ABCA3: variants seen among roughly 807,000 people sequenced by gnomAD.
ABCA3 encodes phospholipid-transporting ATPase ABCA3.
ABCA3 carries 88 observed loss-of-function variants against 172.8 expected under a neutral mutation model. The ratio of observed to expected loss-of-function variants is 0.51; its 90% CI spans 0.43 to 0.61. The LOEUF is 0.61. Among genes scored for constraint, ABCA3 ranks in the 20% least tolerant of loss-of-function variants. The pLI, the probability that ABCA3 is intolerant of heterozygous loss-of-function variation, is 0.00. For synonymous variants in ABCA3, 1,066 were observed against 983.8 expected, an observed-to-expected ratio of 1.08 and a Z score of -1.56; for missense variants, 2,164 against 2,301.0, an observed-to-expected ratio of 0.94 and a Z score of 1.22.
intron 2 of ABCA3, among the ~76,000 whole-genome samples, chr16:2,329,105 AAATT>A (rs966338915): frequency 1.1e-4 from 17 of 152,146 alleles, no homozygotes; most frequent in Non-Finnish European, 2.1e-4. Flanking sequence ...AAACAGTTAA[AAATT>A]AATTTAAAAT....
chr16:2,334,877 G>A (rs1241511324), intron 1 of ABCA3, among the ~76,000 whole-genome samples: 1 of 150,262 alleles, frequency 6.7e-6, no homozygotes, highest in Non-Finnish European at 1.5e-5. Flanking sequence ...TGCCCAGGCT[G>A]GAGTGCAATG....
chr16:2,326,640 T>TA, intron 3 of ABCA3, 148 bp from the exon 4 acceptor site: 1 of 879,264 alleles, frequency 1.1e-6, no homozygotes, highest in East Asian at 2.6e-5. Context: ...GAGGGAAGGG[T>TA]ACAAGGCCTG....
In ABCA3 at chr16:2,317,741, G is replaced by T. The variant is rs1186630019; in HGVS notation, c.897C>A (p.Leu299=). The T allele has an allele frequency of 1.9e-6, 3 of 1,614,114 alleles. No individual in the cohort carries two copies. Among genetic ancestry groups the T allele is most frequent in the Non-Finnish European group, 2.5e-6 (3 of 1,180,040 alleles). The change falls in exon 9 of 33, where the codon CTC becomes CTA. Residue 299 remains leucine (L), a synonymous_variant. Transcript: ENST00000301732. ...AGGCACTCCAGTGCAGCCAGCTGCT[G>T]AGCCCCATCATGCGCATGTACTCCT... is the stretch of plus-strand genomic sequence containing the variant. ...RLKEYMRMMG[L]SSWLHWSAWF... is the part of the protein sequence containing the mutation.
At chr16:2,334,458 A>G (rs961480561) in intron 1 of ABCA3, among the ~76,000 whole-genome samples, 1 of 151,964 alleles carries the variant, frequency 6.6e-6, no homozygotes, top group Non-Finnish European at 1.5e-5. Flanking sequence ...TACACAGTAA[A>G]TATTTGAAAA....
chr16:2,318,886 C>A (rs1271267527), intron 8 of ABCA3, among the ~76,000 whole-genome samples: 2 of 152,140 alleles, frequency 1.3e-5, no homozygotes, highest in African/African-American at 4.8e-5. Flanking sequence ...CACATTCCCA[C>A]CACTTAGGTT....
At position 2,323,578 on chromosome 16, in the gene ABCA3, C is replaced by A. The variant is rs747303018; in HGVS notation, c.558G>T (p.Pro186=). The A allele has an allele frequency of 3.7e-6, 6 of 1,613,918 alleles. No homozygotes were observed. The African/African-American group carries it at 5.3e-5, about 14-fold the overall frequency. ...CCCTTGGTCCTGGGTTTGGGAAAAGCGGGAAAAGGGAAGTAGTGTGCCAGC... is the reference window on the plus strand; with the variant it reads ...CCCTTGGTCCTGGGTTTGGGAAAAGAGGGAAAAGGGAAGTAGTGTGCCAGC... ...TEGWHTTSLF[P]LFPNPGPREP... The change falls in exon 7 of 33, where the codon CCG becomes CCT. Residue 186 remains proline, a synonymous_variant. Transcript: ENST00000301732.
rs2093729648 is a variant in ABCA3 at position 2,323,681 on chromosome 16, T to C, written c.455A>G (p.Tyr152Cys). 1.2e-6 allele frequency: 2 copies of C among 1,614,114 alleles called. No homozygotes were observed. The highest frequency in any genetic ancestry group is 2.7e-5 in the African/African-American group (2 of 75,054). Residue 152 changes from tyrosine (Y) to cysteine (C), a missense_variant, in exon 7 of 33, where the codon TAT becomes TGT. Physicochemically the swap from Tyr to Cys is radical, Grantham distance 194 (BLOSUM62 -2). Transcript: ENST00000301732. ...CCGTGTGTAACTGAACCGTAGGTGA[T>C]ATTTCACCTGTGGAAACAAAGAGAA... ...SKEPLPLAVK[Y>C]HLRFSYTRRN...
chr16:2,323,513 A>G lies in ABCA3; in HGVS notation c.613+10T>C. On this transcript the variant is annotated intron_variant, in intron 7 of 32. Coordinates refer to ENST00000301732, the MANE Select transcript of ABCA3 (RefSeq NM_001089.3). ...GGGCTGGTAACACGAACCCTAACCG[A>G]GCTTCTCACCAGGTTCTCCGCCATC... The G allele has an allele frequency of 3.1e-6, 5 of 1,613,876 alleles. No homozygotes were observed. Among genetic ancestry groups the G allele is most frequent in the Non-Finnish European group, 4.2e-6 (5 of 1,179,944 alleles).
At chr16:2,330,162 G>A (rs757316676) in intron 1 of ABCA3, among the ~76,000 whole-genome samples, 2 of 151,532 alleles carry the variant, frequency 1.3e-5, no homozygotes, top group Middle Eastern at 3.2e-3. Flanking sequence ...CAGGTGTGGT[G>A]ACGTGTGCCT....
At chr16:2,303,550 G>T (rs1394098380) in intron 12 of ABCA3, among the ~76,000 whole-genome samples, 1 of 152,080 alleles carries the variant, frequency 6.6e-6, no homozygotes, top group East Asian at 1.9e-4. Flanking sequence ...GATTACAGGC[G>T]TGAGCCACCA....
chr16:2,281,455 C>G lies in ABCA3; in HGVS notation c.4090G>C (p.Glu1364Gln), dbSNP rs1413175771. The G allele has an allele frequency of 6.2e-7, 1 of 1,613,692 alleles. No homozygotes were observed. ...CTGGGGGCCAGGATGCGGGTCCTCT[C>G]GTCCGCTACATCTTGGTCCTCAGGA... ...VLPEDQDVADERTRILAPSPD... is the reference protein window; with the variant it reads ...VLPEDQDVADQRTRILAPSPD... The change falls in exon 27 of 33, where the codon GAG (glutamate) becomes CAG (glutamine). Residue 1364 changes from glutamate (E) to glutamine (Q), a missense_variant. This residue lies in a region of ABCA3 where 795 missense variants were observed against 881.9 expected (regional missense o/e 0.90). Transcript: ENST00000301732. This position sits in a 1 kb window ranked among gnomAD's most constrained non-coding sequence, Gnocchi z 4.7.
In ABCA3 at chr16:2,285,742, C is replaced by T; in HGVS notation, c.3279-96G>A. ...TTATGACCGCCCAAGGCATGCAGGG[C>T]AGCAGCCCAACCACTAAAGGGGCTT... On this transcript the variant is annotated intron_variant, in intron 22 of 32. Coordinates refer to ENST00000301732, the MANE Select transcript of ABCA3 (RefSeq NM_001089.3). The surrounding 1 kb of genome is among the most constrained non-coding windows in gnomAD (Gnocchi z 4.7). 1.6e-6 allele frequency: 2 copies of T among 1,241,438 alleles called. No individual in the cohort carries two copies. The highest frequency in any genetic ancestry group is 1.1e-6 in the Non-Finnish European group (1 of 872,848). 76.9% of individuals were successfully genotyped at this position (1,241,438 alleles called of 1,614,324 possible). A position where few individuals can be genotyped will look rare whatever the true frequency, so the allele number is the denominator to read the frequency against.
chr16:2,278,119 T>G lies in ABCA3; in HGVS notation c.4719-50A>C, dbSNP rs773244447. The G allele has an allele frequency of 6.2e-7, 1 of 1,610,662 alleles. No individual in the cohort carries two copies. Among genetic ancestry groups the G allele is most frequent in the African/African-American group, 1.3e-5 (1 of 75,008 alleles). On this transcript the variant is annotated intron_variant, in intron 30 of 32. Coordinates refer to ENST00000301732, the MANE Select transcript of ABCA3 (RefSeq NM_001089.3). The surrounding 1 kb of genome is among the most constrained non-coding windows in gnomAD (Gnocchi z 4.4). ...TAGGGCTTGGGGTGCCAAAGGCTTG[T>G]GCAGACAGGAAGGCATTGGCTCTCC...
chr16:2,315,038 C>A (rs750910298), intron 10 of ABCA3, among the ~76,000 whole-genome samples: 1 of 149,308 alleles, frequency 6.7e-6, no homozygotes, highest in African/African-American at 2.5e-5. Flanking sequence ...CCACCACACC[C>A]GGCTAATTTT....
At chr16:2,307,016 C>CAA (rs201661615) in intron 11 of ABCA3, among the ~76,000 whole-genome samples, 381 of 64,924 alleles carry the variant, frequency 5.9e-3, no homozygotes, top group African/African-American at 8.8e-3. Context: ...GACTCCGTCT[C>CAA]AAAAAAAAAA....
At chr16:2,336,597 ATTTTTTTT>A (rs11284766) in intron 1 of ABCA3, among the ~76,000 whole-genome samples, 2,883 of 101,422 alleles carry the variant, frequency 0.028, 117 homozygotes, top group African/African-American at 0.12. Context: ...CGCCCAGCTA[ATTTTTTTT>A]TTTTTTTTTT....
In ABCA3 at chr16:2,300,110, C is replaced by T. The variant is rs1342954505; in HGVS notation, c.1506G>A (p.Gly502=). ...YWCGKPRAVA[G]KEEEDSDPEK... ...CGGGGTCACTGTCTTCTTCCTCCTT[C>T]CCTGCAACCGCCCTTGGCTTCCCAC... Residue 502 remains glycine (G), a synonymous_variant, in exon 13 of 33, where the codon GGG becomes GGA. Coordinates refer to ENST00000301732, the MANE Select transcript of ABCA3 (RefSeq NM_001089.3). 6.2e-7 allele frequency: 1 copy of T among 1,613,714 alleles called. No individual in the cohort carries two copies. Among genetic ancestry groups the T allele is most frequent in the Non-Finnish European group, 8.5e-7 (1 of 1,179,952 alleles).
intron 12 of ABCA3, among the ~76,000 whole-genome samples, chr16:2,300,864 C>A (rs1182345108): frequency 6.6e-6 from 1 of 152,230 alleles, no homozygotes; most frequent in African/African-American, 2.4e-5. Flanking sequence ...GCACCTGGAA[C>A]GGCATCTGGC....
intron 13 of ABCA3, 134 bp from the exon 14 acceptor site, chr16:2,299,666 G>T: frequency 7.1e-7 from 1 of 1,409,438 alleles, no homozygotes; most frequent in South Asian, 1.2e-5. Flanking sequence ...AGAGGGGAGG[G>T]ACGTTTCGGG....
Sources: allele counts gnomAD v4.1 joint callset (sites outside exome capture counted in the v4.1 genomes callset), GRCh38; gene constraint gnomAD v4.1.1; regional missense constraint gnomAD v4.1.1; non-coding constraint Gnocchi (gnomAD v3.1); transcripts MANE v1.5; gene names NCBI Gene and HGNC (gene_info 2026-07-23, HGNC 2026-07-21).